SUGCT: variants seen among roughly 807,000 people sequenced by gnomAD.
SUGCT encodes the protein succinyl-CoA:glutarate-CoA transferase.
In SUGCT, 41 loss-of-function variants were observed where a neutral mutation model predicts 55.0. That is an observed-to-expected ratio of 0.74 (90% CI 0.58 to 0.97). The LOEUF is 0.97. Among genes scored for constraint, SUGCT ranks in the 50% least tolerant of loss-of-function variants. The pLI, the probability that SUGCT is intolerant of heterozygous loss-of-function variation, is 0.00. For missense variants in SUGCT, 568 were observed against 547.8 expected, an observed-to-expected ratio of 1.04 and a Z score of -0.37; for synonymous variants, 187 against 200.4, an observed-to-expected ratio of 0.93 and a Z score of 0.56.
At chr7:40,689,685 A>G (rs1471782344) in intron 12 of SUGCT, among the ~76,000 whole-genome samples, 1 of 148,756 alleles carries the variant, frequency 6.7e-6, no homozygotes, top group Non-Finnish European at 1.5e-5. Flanking sequence ...TAAACAGACC[A>G]CGTCTGTTTG....
intron 13 of SUGCT, among the ~76,000 whole-genome samples, chr7:40,854,439 T>TCTTTC: frequency 6.9e-6 from 1 of 145,144 alleles, no homozygotes; most frequent in Non-Finnish European, 1.5e-5. Context: ...TTTCTTTCTT[T>TCTTTC]CTTTCTTTCT....
At chr7:40,527,680 G>GT (rs1244858426) in intron 12 of SUGCT, among the ~76,000 whole-genome samples, 6 of 152,228 alleles carry the variant, frequency 3.9e-5, no homozygotes, top group Non-Finnish European at 4.4e-5. Flanking sequence ...GAAGAAATTT[G>GT]TTTAAAGTAT....
In SUGCT at chr7:40,806,508, T is replaced by G. The variant is rs533657873; in HGVS notation, c.1154-53808T>G. Among the ~76,000 whole-genome samples the G allele has an allele frequency of 8.5e-5, 13 of 152,312 alleles. No individual in the cohort carries two copies. In the South Asian group the frequency reaches 2.5e-3, roughly 29 times the overall value. ...CTTTTTTACTTTTTTCCCTACATTT[T>G]ATAACATTAGAGGAATTATGGTGGT... On this transcript the variant is annotated intron_variant, in intron 13 of 13. Transcript: ENST00000335693.
chr7:40,658,643 A>G (rs951411363), intron 12 of SUGCT, among the ~76,000 whole-genome samples: 4 of 152,136 alleles, frequency 2.6e-5, no homozygotes. Context: ...TGGACACTTC[A>G]TTTAAGGTGA....
At chr7:40,620,136 T>C (rs1034971867) in intron 12 of SUGCT, among the ~76,000 whole-genome samples, 2 of 152,166 alleles carry the variant, frequency 1.3e-5, no homozygotes, top group African/African-American at 4.8e-5. Context: ...ACGGTGTGCA[T>C]GATGTCAGGG....
chr7:40,972,193 G>A, the SUGCT span, among the ~76,000 whole-genome samples: 5 of 151,906 alleles, frequency 3.3e-5, no homozygotes, highest in Admixed American at 1.3e-4. Flanking sequence ...TATACATCCC[G>A]AAGCCATTCT....
chr7:40,858,403 CAAAAAAAAAAAAAA>C (rs58628576), intron 13 of SUGCT, among the ~76,000 whole-genome samples: 1 of 34,752 alleles, frequency 2.9e-5, no homozygotes, highest in Admixed American at 3.5e-4. Context: ...AATTCCATCT[CAAAAAAAAAAAAAA>C]AAAAAAAAAA....
At chr7:40,511,246 C>T (rs1471108861) in intron 12 of SUGCT, among the ~76,000 whole-genome samples, 2 of 152,064 alleles carry the variant, frequency 1.3e-5, no homozygotes, top group Admixed American at 6.6e-5. Flanking sequence ...ATTTCCTGCC[C>T]GAAATGCATG....
chr7:40,921,292 G>T, the SUGCT span, among the ~76,000 whole-genome samples: 1 of 151,982 alleles, frequency 6.6e-6, no homozygotes, highest in Non-Finnish European at 1.5e-5. Flanking sequence ...TTTGTATGTG[G>T]ACTATAGGGG....
chr7:40,415,305 TA>T, intron 9 of SUGCT, among the ~76,000 whole-genome samples: 1 of 150,204 alleles, frequency 6.7e-6, no homozygotes, highest in Admixed American at 6.6e-5. Context: ...ACATAATGTG[TA>T]AAAAAAATGC....
chr7:40,456,316 C>T (rs941543063), intron 10 of SUGCT, among the ~76,000 whole-genome samples: 14 of 152,046 alleles, frequency 9.2e-5, no homozygotes, highest in Admixed American at 4.6e-4. Context: ...CATGAGCCAC[C>T]GCCCCTGGCT....
chr7:40,949,979 C>G, the SUGCT span, among the ~76,000 whole-genome samples: 1 of 152,130 alleles, frequency 6.6e-6, no homozygotes, highest in Non-Finnish European at 1.5e-5. Context: ...GTAGTTTTTT[C>G]TAATTCTGTG....
At chr7:40,634,708 G>A (rs1799944787) in intron 12 of SUGCT, among the ~76,000 whole-genome samples, 1 of 152,192 alleles carries the variant, frequency 6.6e-6, no homozygotes, top group Admixed American at 6.5e-5. Context: ...CAAATGGGAA[G>A]CATTAACACC....
intron 10 of SUGCT, among the ~76,000 whole-genome samples, chr7:40,450,621 C>A (rs1789136781): frequency 6.6e-6 from 1 of 151,882 alleles, no homozygotes; most frequent in South Asian, 2.1e-4. Context: ...CTAATAAATA[C>A]AAACAATTAG....
chr7:40,609,308 G>A (rs550496954), intron 12 of SUGCT, among the ~76,000 whole-genome samples: 2 of 152,070 alleles, frequency 1.3e-5, no homozygotes, highest in African/African-American at 4.8e-5. Context: ...ATAGAAATAT[G>A]ATTATCCCAG....
chr7:40,657,816 G>C (rs1319852308), intron 12 of SUGCT, among the ~76,000 whole-genome samples: 1 of 152,208 alleles, frequency 6.6e-6, no homozygotes, highest in Non-Finnish European at 1.5e-5. Context: ...TTACAGGCCT[G>C]AGCCACTGCG....
intron 12 of SUGCT, among the ~76,000 whole-genome samples, chr7:40,730,609 A>G (rs80143259): frequency 0.03 from 4,601 of 152,326 alleles, 95 homozygotes; most frequent in Middle Eastern, 0.048. Context: ...ATTATTAACT[A>G]TAATCACCAC....
chr7:40,515,492 C>T (rs1306802867), intron 12 of SUGCT, among the ~76,000 whole-genome samples: 2 of 152,170 alleles, frequency 1.3e-5, no homozygotes, highest in Non-Finnish European at 2.9e-5. Context: ...CTCCCCTTAT[C>T]GCTGGTAACC....
intron 12 of SUGCT, among the ~76,000 whole-genome samples, chr7:40,563,627 T>A (rs1795966512): frequency 6.6e-6 from 1 of 151,578 alleles, no homozygotes; most frequent in Non-Finnish European, 1.5e-5. Flanking sequence ...GGTGGGAGGA[T>A]CACTTGAGCC....
Sources: gnomAD v4.1 joint callset for allele counts (sites outside exome capture counted in the v4.1 genomes callset) on GRCh38, gnomAD v4.1.1 for gene constraint, MANE v1.5 for transcripts, NCBI Gene and HGNC (gene_info 2026-07-23, HGNC 2026-07-21) for gene names.